KRT77: variants seen among roughly 807,000 people sequenced by gnomAD.
KRT77 encodes keratin, type II cytoskeletal 1b.
In KRT77, 44 loss-of-function variants were observed where a neutral mutation model predicts 51.5. That is an observed-to-expected ratio of 0.85 (90% CI 0.67 to 1.10). KRT77 has a LOEUF of 1.10. Among genes scored for constraint, KRT77 ranks in the 50% least tolerant of loss-of-function variants. The pLI, the probability that KRT77 is intolerant of heterozygous loss-of-function variation, is 0.00. For missense variants in KRT77, 763 were observed against 743.9 expected, an observed-to-expected ratio of 1.03 and a Z score of -0.30; for synonymous variants, 293 against 302.0, an observed-to-expected ratio of 0.97 and a Z score of 0.31.
chr12:52,702,783 G>A (rs1363011936), intron 1 of KRT77, 109 bp downstream of exon 1: 2 of 1,109,978 alleles, frequency 1.8e-6, no homozygotes, highest in African/African-American at 3.1e-5. Flanking sequence ...ATTTTCTAAG[G>A]TCCCAGGTCA....
At chr12:52,694,875 G>T in intron 4 of KRT77, 85 bp from the exon 5 acceptor site, 1 of 1,292,034 alleles carries the variant, frequency 7.7e-7, no homozygotes, top group Non-Finnish European at 1.0e-6. Flanking sequence ...AAGGCTCTCG[G>T]GGGAAGCCAG....
chr12:52,692,946 A>G (rs756825956), intron 5 of KRT77, 66 bp from the exon 6 acceptor site: 3 of 1,558,082 alleles, frequency 1.9e-6, no homozygotes, highest in Admixed American at 3.4e-5. Flanking sequence ...AGGAGGGAGT[A>G]GGTCTGGGCT....
chr12:52,695,990 C>A, intron 3 of KRT77, 123 bp from the exon 4 acceptor site: 1 of 682,426 alleles, frequency 1.5e-6, no homozygotes. Context: ...AAAAATTCAT[C>A]ACCGCACTCG....
In KRT77 at chr12:52,697,851, C is replaced by T. The variant is rs754527132; in HGVS notation, c.589G>A (p.Glu197Lys). Reference sequence around the variant, plus strand: ...GAGGTGTTCACCTGCTGCAGCAACTCCCATTTTGTTTGTAGCACCTGGTTC... The same window carrying T: ...GAGGTGTTCACCTGCTGCAGCAACTTCCATTTTGTTTGTAGCACCTGGTTC... ...QQNQVLQTKW[E>K]LLQQVNTSTG... Residue 197 changes from glutamate (E) to lysine (K), a missense_variant, in exon 2 of 9, where the codon GAG becomes AAG. Coordinates refer to ENST00000341809, the MANE Select transcript of KRT77 (RefSeq NM_175078.3). 5 of 1,614,076 alleles carry T rather than the reference C, an allele frequency of 3.1e-6. No individual in the cohort carries two copies. Among genetic ancestry groups the T allele is most frequent in the South Asian group, 2.2e-5 (2 of 91,080 alleles).
intron 1 of KRT77, among the ~76,000 whole-genome samples, chr12:52,700,879 G>A (rs146587264): frequency 9.2e-4 from 140 of 152,314 alleles, no homozygotes; most frequent in South Asian, 8.7e-3. Flanking sequence ...GTCAAGTATA[G>A]GCTATACAGG....
intron 2 of KRT77, among the ~76,000 whole-genome samples, chr12:52,697,250 G>A (rs1053324739): frequency 6.6e-6 from 1 of 152,190 alleles, no homozygotes; most frequent in Non-Finnish European, 1.5e-5. Context: ...AACTCAGGGG[G>A]CAGAGCCCAG....
Position 52,692,886 on chromosome 12 carries a change from G to A in KRT77, c.1081-6C>T, listed in dbSNP as rs1380625981. 6 of 1,603,052 alleles carry A rather than the reference G, an allele frequency of 3.7e-6. No homozygotes were observed. The Admixed American group carries it at 6.7e-5, about 18-fold the overall frequency. ...GTGATCTGGAGCTCCTGGTACTGGG[G>A]CCAAAGGCAGCATCATAGTCAGCAT... On this transcript the variant is annotated splice_region_variant and splice_polypyrimidine_tract_variant and intron_variant, in intron 5 of 8. Transcript: ENST00000341809.
In KRT77 at chr12:52,696,377, A is replaced by C. The variant is rs1941795066; in HGVS notation, c.812T>G (p.Leu271Arg). The change falls in exon 3 of 9, where the codon CTG (leucine) becomes CGG (arginine). Residue 271 changes from leucine to arginine, a missense_variant. By Grantham distance (102) the Leu-to-Arg change is moderately radical. Coordinates refer to ENST00000341809, the MANE Select transcript of KRT77 (RefSeq NM_175078.3). ...GACTCCCCTTTCCCTCACCTTCTTCAGGACGACAAAGTCATTCTCGCTGCC... is the reference window on the plus strand; with the variant it reads ...GACTCCCCTTTCCCTCACCTTCTTCCGGACGACAAAGTCATTCTCGCTGCC... ...RTGSENDFVV[L>R]KKDVDAAYVS... The C allele has an allele frequency of 6.2e-7, 1 of 1,614,156 alleles. No homozygotes were observed. The highest frequency in any genetic ancestry group is 8.5e-7 in the Non-Finnish European group (1 of 1,179,990).
intron 1 of KRT77, among the ~76,000 whole-genome samples, chr12:52,698,845 T>C (rs775063170): frequency 6.6e-6 from 1 of 152,200 alleles, no homozygotes; most frequent in Non-Finnish European, 1.5e-5. Flanking sequence ...CCCTCCAGAA[T>C]CCTGCTTCCT....
intron 1 of KRT77, among the ~76,000 whole-genome samples, chr12:52,702,596 T>C (rs538240704): frequency 6.7e-6 from 1 of 149,344 alleles, no homozygotes; most frequent in East Asian, 2.0e-4. Context: ...TGGGGATGGA[T>C]AGATGGGTGC....
rs139875220 is a variant in KRT77 at position 52,703,168 on chromosome 12, C to T, written c.267G>A (p.Gly89=). Residue 89 remains glycine (G), a synonymous_variant, in exon 1 of 9, where the codon GGG becomes GGA. Transcript: ENST00000341809. ...CAAAGCCTCTGCCCCCTCCAAATCC[C>T]CCTACTCCCCCACCCTGGCAGAAAC... is the stretch of plus-strand genomic sequence containing the variant. ...TSGFCQGGGV[G]GFGGGRGFGV... 8.7e-6 allele frequency: 14 copies of T among 1,611,022 alleles called. No homozygotes were observed. Among genetic ancestry groups the T allele is most frequent in the African/African-American group, 5.4e-5 (4 of 74,722 alleles).
At chr12:52,691,489 C>G (rs547505677) in intron 8 of KRT77, 50 bp from the exon 9 acceptor site, 1 of 1,503,046 alleles carries the variant, frequency 6.7e-7, no homozygotes. Flanking sequence ...GGGCAAGGCC[C>G]CCACCTGCAC....
Position 52,697,816 on chromosome 12 carries a change from G to A in KRT77, c.624C>T (p.Thr208=), listed in dbSNP as rs1049889692. The A allele has an allele frequency of 1.5e-5, 25 of 1,613,920 alleles. No individual in the cohort carries two copies. The highest frequency in any genetic ancestry group is 1.6e-4 in the Middle Eastern group (1 of 6,082). Residue 208 remains threonine, a synonymous_variant, in exon 2 of 9, where the codon ACC becomes ACT. Coordinates refer to ENST00000341809, the MANE Select transcript of KRT77 (RefSeq NM_175078.3). Reference sequence around the variant, plus strand: ...TCTCCAAGAGGGGCTCCAGGTTGTTGGTTCCAGTTGAGGTGTTCACCTGCT... The same window carrying A: ...TCTCCAAGAGGGGCTCCAGGTTGTTAGTTCCAGTTGAGGTGTTCACCTGCT... ...LLQQVNTSTG[T]NNLEPLLENY...
chr12:52,691,460 A>G, intron 8 of KRT77, 21 bp from the exon 9 acceptor site: 1 of 1,546,834 alleles, frequency 6.5e-7, no homozygotes, highest in South Asian at 1.2e-5. Flanking sequence ...GGGACAGTGC[A>G]CACGGGGTCA....
intron 2 of KRT77, 57 bp downstream of exon 2, chr12:52,697,625 C>T: frequency 8.6e-7 from 1 of 1,161,166 alleles, no homozygotes; most frequent in Admixed American, 2.0e-5. Flanking sequence ...ATGTCTTGCC[C>T]CTGTGACCAG....
rs774353164 is a variant in KRT77, at chr12:52,697,893, G to T, written c.547C>A (p.Arg183=). 15 of 1,613,190 alleles carry T rather than the reference G, an allele frequency of 9.3e-6. No individual in the cohort carries two copies. Among genetic ancestry groups the T allele is most frequent in the Admixed American group, 5.0e-5 (3 of 59,980 alleles). ...ACCTGGTTCTGCTGCTCCAGGAATC[G>T]CACCTAAGAGCAAGAGACCCCAGTC... ...NKFASFIDKV[R]FLEQQNQVLQ... is the part of the protein sequence containing the mutation. Residue 183 remains arginine (R), a synonymous_variant, in exon 2 of 9, where the codon CGA becomes AGA. Transcript: ENST00000341809.
chr12:52,702,757 C>T (rs1485392151), intron 1 of KRT77, 135 bp downstream of exon 1: 6 of 873,848 alleles, frequency 6.9e-6, no homozygotes, highest in African/African-American at 1.7e-5. Flanking sequence ...CAAATTGAAG[C>T]CCAAATGGGT....
At position 52,697,865 on chromosome 12, in the gene KRT77, A is replaced by C. The variant is rs1374464383; in HGVS notation, c.575T>G (p.Leu192Arg). ...CTGCAGCAACTCCCATTTTGTTTGTAGCACCTGGTTCTGCTGCTCCAGGAA... is the reference window on the plus strand; with the variant it reads ...CTGCAGCAACTCCCATTTTGTTTGTCGCACCTGGTTCTGCTGCTCCAGGAA... ...VRFLEQQNQV[L>R]QTKWELLQQV... The change falls in exon 2 of 9, where the codon CTA (leucine) becomes CGA (arginine). Residue 192 changes from leucine to arginine, a missense_variant. Leu to Arg is a moderately radical substitution (Grantham distance 102, BLOSUM62 -2). Coordinates refer to ENST00000341809, the MANE Select transcript of KRT77 (RefSeq NM_175078.3). The C allele has an allele frequency of 2.5e-6, 4 of 1,614,020 alleles. No individual in the cohort carries two copies. The highest frequency in any genetic ancestry group is 3.4e-6 in the Non-Finnish European group (4 of 1,179,952).
chr12:52,691,397 C>T lies in KRT77; in HGVS notation c.1505G>A (p.Gly502Asp). The T allele has an allele frequency of 1.9e-6, 3 of 1,600,120 alleles. No homozygotes were observed. The highest frequency in any genetic ancestry group is 1.3e-5 in the African/African-American group (1 of 74,846). Residue 502 changes from glycine to aspartate, a missense_variant, in exon 9 of 9, where the codon GGC (glycine) becomes GAC (aspartate). Transcript: ENST00000341809. ...GCCTCCTGAGCCGTAGCTGCCGCCG[C>T]CTCCCGCGCCGCCGTTGACGCTCAC... The part of the protein sequence containing the change: ...SQVSVNGGAG[G>D]GGSYGSGGYG...
Sources: gnomAD v4.1 joint callset for allele counts (sites outside exome capture counted in the v4.1 genomes callset) on GRCh38, gnomAD v4.1.1 for gene constraint, MANE v1.5 for transcripts, NCBI Gene and HGNC (gene_info 2026-07-23, HGNC 2026-07-21) for gene names.